The following DLGAP2 variants were observed in gnomAD, a reference collection of about 807,000 sequenced individuals.
DLGAP2 encodes DLG associated protein 2, also known as disks large-associated protein 2.
DLGAP2 carries 26 observed loss-of-function variants against 100.3 expected under a neutral mutation model. That is an observed-to-expected ratio of 0.26 (90% CI 0.19 to 0.36). The LOEUF is 0.36. DLGAP2 is among the 10% of genes least tolerant of loss of function. The pLI is 1.00. For synonymous variants in DLGAP2, 886 were observed against 630.1 expected, an observed-to-expected ratio of 1.41 and a Z score of -6.08; for missense variants, 1,858 against 1,453.2, an observed-to-expected ratio of 1.28 and a Z score of -4.53.
At position 1,668,525 on chromosome 8, in the gene DLGAP2, C is replaced by T. The variant is rs1469883369; in HGVS notation, c.2007C>T (p.Ser669=). 3.1e-6 allele frequency: 5 copies of T among 1,593,318 alleles called. No individual in the cohort carries two copies. The highest frequency in any genetic ancestry group is 4.3e-6 in the Non-Finnish European group (5 of 1,171,036). The part of the protein sequence containing the change: ...GLYNSTDSLD[S]NKAMNLALET... ...ACAACTCCACGGACAGCCTGGACAG[C>T]AACAAGGCCATGAACCTCGCGCTGG... The change falls in exon 9 of 15, where the codon AGC becomes AGT. Residue 669 remains serine (S), a synonymous_variant. Transcript: ENST00000637795.
chr8:1,566,961 T>G (rs1018264280), intron 6 of DLGAP2, among the ~76,000 whole-genome samples: 44 of 152,372 alleles, frequency 2.9e-4, no homozygotes, highest in African/African-American at 1.0e-3. Context: ...GCCGCATGTC[T>G]GCCCAGCCCA....
chr8:1,702,114 A>T lies in DLGAP2; in HGVS notation c.*708A>T, dbSNP rs1799590574. ...AGCGCAGCATCTACACATTCAAAAG[A>T]TAAGCTGAGTGTTCCCACCAGGAAG... On this transcript the variant is annotated 3_prime_UTR_variant, in exon 15 of 15. Transcript: ENST00000637795. 6.6e-6 allele frequency: 1 copy of T among 152,228 alleles called. No homozygotes were observed. The highest frequency in any genetic ancestry group is 1.5e-5 in the Non-Finnish European group (1 of 68,070). 9.4% of individuals were successfully genotyped at this position (152,228 alleles called of 1,614,324 possible). A position where few individuals can be genotyped will look rare whatever the true frequency, so the allele number is the denominator to read the frequency against.
chr8:1,207,132 T>G (rs1208348155), intron 2 of DLGAP2, among the ~76,000 whole-genome samples: 2 of 152,180 alleles, frequency 1.3e-5, no homozygotes, highest in Non-Finnish European at 2.9e-5. Flanking sequence ...CAGGTGGTGT[T>G]TGGTTATATG....
chr8:1,582,177 T>A (rs1246802003), intron 6 of DLGAP2, among the ~76,000 whole-genome samples: 1 of 130,946 alleles, frequency 7.6e-6, no homozygotes, highest in Non-Finnish European at 1.6e-5. Flanking sequence ...CTACCAGAAG[T>A]GAAGGATACA....
intron 3 of DLGAP2, chr8:1,297,002 C>T (rs1407423917): frequency 2.6e-5 from 4 of 152,280 alleles, no homozygotes; most frequent in Non-Finnish European, 4.4e-5. Flanking sequence ...AGGGCCTGTG[C>T]TAAGGAAGGA....
At chr8:1,366,923 G>A (rs572197632) in intron 3 of DLGAP2, among the ~76,000 whole-genome samples, 25 of 151,712 alleles carry the variant, frequency 1.6e-4, no homozygotes, top group African/African-American at 5.8e-4. Context: ...CACAGACCCC[G>A]GTAAATAACA....
intron 1 of DLGAP2, among the ~76,000 whole-genome samples, chr8:858,199 T>G (rs1357022353): frequency 6.6e-6 from 1 of 152,174 alleles, no homozygotes; most frequent in Non-Finnish European, 1.5e-5. Flanking sequence ...CAACGTGCCT[T>G]TAAAAGATGA....
intron 3 of DLGAP2, among the ~76,000 whole-genome samples, chr8:1,270,149 G>C (rs1799550773): frequency 1.3e-5 from 2 of 152,154 alleles, no homozygotes; most frequent in Admixed American, 1.3e-4. Flanking sequence ...TAAAAACCAG[G>C]TGGGTCTTGT....
At chr8:1,243,321 G>A (rs1159220636) in intron 2 of DLGAP2, among the ~76,000 whole-genome samples, 3 of 152,108 alleles carry the variant, frequency 2.0e-5, no homozygotes, top group African/African-American at 7.2e-5. Flanking sequence ...TCTGCTCTGC[G>A]AGGTCTTGGC....
intron 4 of DLGAP2, among the ~76,000 whole-genome samples, chr8:1,519,654 T>C (rs1031862857): frequency 7.9e-5 from 12 of 152,222 alleles, no homozygotes; most frequent in African/African-American, 2.9e-4. Context: ...CTAGATTAAA[T>C]GTTCCAGACC....
chr8:1,003,260 T>C (rs1388955212), intron 2 of DLGAP2: 1 of 152,252 alleles, frequency 6.6e-6, no homozygotes, highest in African/African-American at 2.4e-5. Flanking sequence ...ACTGCCCTCT[T>C]CCTTCACTCC....
chr8:1,126,087 A>G (rs1022718586), intron 2 of DLGAP2, among the ~76,000 whole-genome samples: 4 of 152,212 alleles, frequency 2.6e-5, no homozygotes, highest in Admixed American at 6.5e-5. Context: ...CGGGAAATCA[A>G]TGACTAAAAT....
intron 3 of DLGAP2, among the ~76,000 whole-genome samples, chr8:1,421,176 C>G (rs1258098706): frequency 6.6e-6 from 1 of 152,188 alleles, no homozygotes; most frequent in Admixed American, 6.5e-5. Context: ...GGAAGCCGAG[C>G]TCATTTTTCC....
chr8:1,420,470 A>C (rs1797059751), intron 3 of DLGAP2, among the ~76,000 whole-genome samples: 1 of 152,134 alleles, frequency 6.6e-6, no homozygotes, highest in Non-Finnish European at 1.5e-5. Flanking sequence ...GTTTTTTCTA[A>C]TTCCAATTCA....
chr8:1,218,500 T>G (rs1798255477), intron 2 of DLGAP2, among the ~76,000 whole-genome samples: 1 of 88,366 alleles, frequency 1.1e-5, no homozygotes, highest in Non-Finnish European at 1.9e-5. Flanking sequence ...TTTAGTTTTG[T>G]TTTTTTACCA....
intron 1 of DLGAP2, among the ~76,000 whole-genome samples, chr8:771,865 T>C (rs900565777): frequency 6.6e-6 from 1 of 152,220 alleles, no homozygotes; most frequent in Non-Finnish European, 1.5e-5. Flanking sequence ...ACTGATTGTG[T>C]CTGGTGGGGA....
intron 3 of DLGAP2, among the ~76,000 whole-genome samples, chr8:1,494,335 A>G (rs181755637): frequency 2.0e-5 from 3 of 152,310 alleles, no homozygotes; most frequent in East Asian, 1.9e-4. Flanking sequence ...AGAAGACGCA[A>G]TTGTGCTTTG....
chr8:1,023,061 C>T (rs947769506), intron 2 of DLGAP2, among the ~76,000 whole-genome samples: 2 of 152,228 alleles, frequency 1.3e-5, no homozygotes, highest in African/African-American at 4.8e-5. Flanking sequence ...CAGCCACATG[C>T]CGTGTGTGAT....
chr8:1,271,151 C>A (rs1308995515), intron 3 of DLGAP2, among the ~76,000 whole-genome samples: 1 of 152,042 alleles, frequency 6.6e-6, no homozygotes, highest in Non-Finnish European at 1.5e-5. Flanking sequence ...AAATCATAAA[C>A]CCACAAAAAA....
Sources: allele counts gnomAD v4.1 joint callset (sites outside exome capture counted in the v4.1 genomes callset), GRCh38; gene constraint gnomAD v4.1.1; transcripts MANE v1.5; gene names NCBI Gene and HGNC (gene_info 2026-07-23, HGNC 2026-07-21).